CHD9NB: variants seen among roughly 807,000 people sequenced by gnomAD.
CHD9NB encodes CHD9 neighbor.
chr16:53,039,687 G>A, the CHD9NB span, among the ~76,000 whole-genome samples: 2 of 151,682 alleles, frequency 1.3e-5, no homozygotes, highest in Admixed American at 6.6e-5. Flanking sequence ...AGGGGTTGCA[G>A]TGAGCCAAGA....
chr16:53,040,353 T>C, the CHD9NB span, among the ~76,000 whole-genome samples: 13 of 152,008 alleles, frequency 8.6e-5, no homozygotes, highest in Non-Finnish European at 1.8e-4. Flanking sequence ...GGATTACAGG[T>C]GTAAGCCACT....
At chr16:53,051,801 AT>A in the CHD9NB span, among the ~76,000 whole-genome samples, 1 of 97,584 alleles carries the variant, frequency 1.0e-5, no homozygotes, top group African/African-American at 3.2e-5. Flanking sequence ...ATATATATAT[AT>A]ATATATATAA....
chr16:53,051,633 G>A, the CHD9NB span, among the ~76,000 whole-genome samples: 1 of 145,214 alleles, frequency 6.9e-6, no homozygotes, highest in African/African-American at 2.6e-5. Flanking sequence ...GTAGGGGGAG[G>A]GGGGAGGGAT....
At chr16:53,046,680 G>A in the CHD9NB span, among the ~76,000 whole-genome samples, 1 of 152,090 alleles carries the variant, frequency 6.6e-6, no homozygotes, top group Admixed American at 6.6e-5. Context: ...GCTAGACCCT[G>A]CCTTAATTTA....
chr16:53,044,245 T>A, the CHD9NB span: 1 of 397,952 alleles, frequency 2.5e-6, no homozygotes, highest in Admixed American at 4.4e-5. Context: ...CAGCGTTAAA[T>A]AACCATCCTC....
the CHD9NB span, among the ~76,000 whole-genome samples, chr16:53,042,297 T>C: frequency 1.4e-5 from 2 of 143,108 alleles, no homozygotes; most frequent in Non-Finnish European, 3.0e-5. Flanking sequence ...TTTCTCTCCC[T>C]TCCTCCCTCC....
chr16:53,047,946 C>T, the CHD9NB span, among the ~76,000 whole-genome samples: 22 of 135,666 alleles, frequency 1.6e-4, no homozygotes, highest in Non-Finnish European at 4.6e-5. Context: ...CTGTAGTGAG[C>T]TATGATTGTG....
At chr16:53,050,133 G>A in the CHD9NB span, among the ~76,000 whole-genome samples, 1 of 152,090 alleles carries the variant, frequency 6.6e-6, no homozygotes, top group Non-Finnish European at 1.5e-5. Context: ...GAACTGGGAG[G>A]CAGAGGTTGC....
chr16:53,037,702 T>G, the CHD9NB span, among the ~76,000 whole-genome samples: 24 of 152,144 alleles, frequency 1.6e-4, no homozygotes, highest in East Asian at 3.9e-4. Flanking sequence ...CTTTTGCAGG[T>G]CAAATATTTT....
At chr16:53,043,994 G>C in the CHD9NB span, 1 of 398,818 alleles carries the variant, frequency 2.5e-6, no homozygotes, top group East Asian at 3.6e-5. Context: ...TCTGGAGAGA[G>C]GCATTTCAGC....
chr16:53,050,752 G>A, the CHD9NB span, among the ~76,000 whole-genome samples: 1 of 152,028 alleles, frequency 6.6e-6, no homozygotes, highest in South Asian at 2.1e-4. Context: ...GGGTACCCAG[G>A]CCCTTTCCCT....
At chr16:53,044,779 A>G in the CHD9NB span, among the ~76,000 whole-genome samples, 1 of 152,182 alleles carries the variant, frequency 6.6e-6, no homozygotes, top group South Asian at 2.1e-4. Flanking sequence ...CCTAAGAAGT[A>G]GGTGTATTAT....
chr16:53,039,638 G>A, the CHD9NB span, among the ~76,000 whole-genome samples: 1 of 152,006 alleles, frequency 6.6e-6, no homozygotes, highest in Non-Finnish European at 1.5e-5. Flanking sequence ...CCAGCTACTT[G>A]GGAGGCTGAG....
chr16:53,039,672 G>A, the CHD9NB span, among the ~76,000 whole-genome samples: 664 of 152,128 alleles, frequency 4.4e-3, 4 homozygotes, highest in Non-Finnish European at 4.9e-3. Context: ...TTGAACCTGG[G>A]AGGCAGGGGT....
the CHD9NB span, among the ~76,000 whole-genome samples, chr16:53,037,695 T>C: frequency 2.0e-5 from 3 of 152,308 alleles, no homozygotes; most frequent in East Asian, 5.8e-4. Flanking sequence ...TCTACACCTT[T>C]TGCAGGTCAA....
At chr16:53,043,634 G>A in the CHD9NB span, 1 of 167,738 alleles carries the variant, frequency 6.0e-6, no homozygotes. Context: ...CTGACTTCAG[G>A]AAAGCCAGGC....
chr16:53,042,657 A>T, the CHD9NB span: 9 of 152,140 alleles, frequency 5.9e-5, no homozygotes, highest in Non-Finnish European at 1.2e-4. Flanking sequence ...CAGTGGGGCA[A>T]CTCCAAGCTG....
the CHD9NB span, among the ~76,000 whole-genome samples, chr16:53,040,450 G>A: frequency 1.3e-5 from 2 of 152,120 alleles, no homozygotes; most frequent in Non-Finnish European, 2.9e-5. Flanking sequence ...CTATTACACT[G>A]TACATTGTGC....
At chr16:53,045,580 G>T in the CHD9NB span, among the ~76,000 whole-genome samples, 1 of 152,278 alleles carries the variant, frequency 6.6e-6, no homozygotes, top group Non-Finnish European at 1.5e-5. Context: ...GGAGGGTCAC[G>T]CAGGACTGTG....
Sources: allele counts gnomAD v4.1 joint callset (sites outside exome capture counted in the v4.1 genomes callset), GRCh38; gene constraint gnomAD v4.1.1; transcripts MANE v1.5; gene names NCBI Gene and HGNC (gene_info 2026-07-23, HGNC 2026-07-21).